The following DACH1 variants were observed in gnomAD, a reference collection of about 807,000 sequenced individuals.
DACH1 encodes dachshund family transcription factor 1.
DACH1 carries 12 observed loss-of-function variants against 54.2 expected under a neutral mutation model. The observed-to-expected ratio is 0.22, with a 90% CI of 0.14 to 0.36. The LOEUF (loss-of-function observed/expected upper bound fraction) is 0.36, where lower values mean the gene tolerates loss of function less well. DACH1 is among the 10% of genes least tolerant of loss of function. The pLI is 1.00. For synonymous variants in DACH1, 386 were observed against 366.2 expected (o/e 1.05, Z -0.62); for missense variants, 805 against 929.8 (o/e 0.87, Z 1.75).
Position 71,479,332 on chromosome 13 carries a change from A to G in DACH1, c.1723-16T>C. 4 of 1,598,774 alleles carry G rather than the reference A, an allele frequency of 2.5e-6. No individual in the cohort carries two copies. Among genetic ancestry groups the G allele is most frequent in the Non-Finnish European group, 3.4e-6 (4 of 1,176,014 alleles). On this transcript the variant is annotated splice_polypyrimidine_tract_variant and intron_variant, in intron 7 of 10. Coordinates refer to ENST00000613252, the MANE Select transcript of DACH1 (RefSeq NM_080759.6). ...TCAACAGCCCCTGTACAAAGAAGAT[A>G]TTCGGAATGGTAATATTTTAATACA...
At chr13:71,576,658 G>A (rs746349050) in intron 3 of DACH1, among the ~76,000 whole-genome samples, 4 of 152,138 alleles carry the variant, frequency 2.6e-5, no homozygotes, top group Admixed American at 1.3e-4. Context: ...AATGGTTTTC[G>A]TTTTCCTCTA....
chr13:71,578,525 G>A (rs962036348), intron 3 of DACH1, among the ~76,000 whole-genome samples: 3 of 152,086 alleles, frequency 2.0e-5, no homozygotes, highest in African/African-American at 7.2e-5. Flanking sequence ...TTTTGCATGA[G>A]TTGCGGAAAC....
At chr13:71,812,282 T>TATC (rs1887741631) in intron 1 of DACH1, among the ~76,000 whole-genome samples, 1 of 152,232 alleles carries the variant, frequency 6.6e-6, no homozygotes, top group South Asian at 2.1e-4. Flanking sequence ...TTACAGAATG[T>TATC]ATCAGCACAG....
At chr13:71,758,132 A>G (rs898321344) in intron 1 of DACH1, among the ~76,000 whole-genome samples, 4 of 152,104 alleles carry the variant, frequency 2.6e-5, no homozygotes, top group African/African-American at 7.2e-5. Flanking sequence ...CAGTCTCTCC[A>G]TGGCCATTGC....
In DACH1 at chr13:71,559,958, G is replaced by T; in HGVS notation, c.1300-3C>A. 6.5e-7 allele frequency: 1 copy of T among 1,537,198 alleles called. No homozygotes were observed. On this transcript the variant is annotated splice_region_variant and splice_polypyrimidine_tract_variant and intron_variant, in intron 4 of 10. Coordinates refer to ENST00000613252, the MANE Select transcript of DACH1 (RefSeq NM_080759.6). ...GAGGGGCTATCAGGAACACGCTCCT[G>T]CACCAGCAAGAGAGGGAAGGAGGGT...
At chr13:71,749,721 G>A (rs1400017940) in intron 1 of DACH1, among the ~76,000 whole-genome samples, 1 of 152,124 alleles carries the variant, frequency 6.6e-6, no homozygotes, top group Non-Finnish European at 1.5e-5. Context: ...AACAACACTT[G>A]GGAAACTGTT....
intron 2 of DACH1, among the ~76,000 whole-genome samples, chr13:71,650,604 C>T (rs1157369831): frequency 6.6e-6 from 1 of 152,068 alleles, no homozygotes; most frequent in East Asian, 1.9e-4. Context: ...ACAAGAAACA[C>T]TTTCTCTCTC....
At chr13:71,486,805 T>A (rs200796481) in intron 7 of DACH1, among the ~76,000 whole-genome samples, 15,459 of 47,824 alleles carry the variant, frequency 0.32, 880 homozygotes, top group East Asian at 0.46. Flanking sequence ...TTAATTTATT[T>A]ATTTATTTAT....
intron 1 of DACH1, among the ~76,000 whole-genome samples, chr13:71,808,376 T>A (rs1180884018): frequency 6.6e-6 from 1 of 152,182 alleles, no homozygotes; most frequent in African/African-American, 2.4e-5. Context: ...TCTCCCTTGA[T>A]CAAATTAAAC....
chr13:71,658,089 A>C (rs1239106602), intron 2 of DACH1, among the ~76,000 whole-genome samples: 1 of 152,230 alleles, frequency 6.6e-6, no homozygotes, highest in Non-Finnish European at 1.5e-5. Context: ...TCTTAAACAC[A>C]GTATATCTAT....
chr13:71,845,763 C>T (rs1308538455), intron 1 of DACH1, among the ~76,000 whole-genome samples: 4 of 152,144 alleles, frequency 2.6e-5, no homozygotes, highest in African/African-American at 9.7e-5. Context: ...ATTACTTTCT[C>T]CCCACTGAGG....
chr13:71,530,298 G>A (rs1462488481), intron 6 of DACH1, among the ~76,000 whole-genome samples: 4 of 152,130 alleles, frequency 2.6e-5, no homozygotes, highest in African/African-American at 9.7e-5. Flanking sequence ...TGCAGAAAGA[G>A]AAAGCATGTT....
chr13:71,645,742 A>C (rs1878219553), intron 2 of DACH1, among the ~76,000 whole-genome samples: 1 of 152,364 alleles, frequency 6.6e-6, no homozygotes, highest in East Asian at 1.9e-4. Context: ...TCATGCCTGC[A>C]ATGCAGTAAT....
rs1020284127 is a variant in DACH1 at position 71,779,580 on chromosome 13, C to G, written c.848+86342G>C. Among the ~76,000 whole-genome samples the G allele has an allele frequency of 5.9e-5, 9 of 151,930 alleles. No individual in the cohort carries two copies. The East Asian group carries it at 1.7e-3, about 30-fold the overall frequency. Reference sequence around the variant, plus strand: ...ATTTAATAAAATGAGTGACTTAATGCTTGCAGAGCGCTTTGCATACAACCT... The same window carrying G: ...ATTTAATAAAATGAGTGACTTAATGGTTGCAGAGCGCTTTGCATACAACCT... On this transcript the variant is annotated intron_variant, in intron 1 of 10. Coordinates refer to ENST00000613252, the MANE Select transcript of DACH1 (RefSeq NM_080759.6).
At chr13:71,768,040 A>G (rs1217567120) in intron 1 of DACH1, among the ~76,000 whole-genome samples, 1 of 151,984 alleles carries the variant, frequency 6.6e-6, no homozygotes, top group African/African-American at 2.4e-5. Flanking sequence ...TAGTATTAAG[A>G]GTACTATGGG....
Position 71,771,487 on chromosome 13 carries a change from C to G in DACH1, c.849-89577G>C, listed in dbSNP as rs368694317. On this transcript the variant is annotated intron_variant, in intron 1 of 10. Transcript: ENST00000613252. ...TATGTCAATTTAAGTATCCCTGCAT[C>G]CATTTTTGCAACTAATCAGTAACTT... 7.3e-5 allele frequency among the ~76,000 whole-genome samples: 11 copies of G among 151,508 alleles called. No homozygotes were observed. In the East Asian group the frequency reaches 2.1e-3, roughly 29 times the overall value.
In DACH1 at chr13:71,576,614, T is replaced by C. The variant is rs1317604144; in HGVS notation, c.1127-3602A>G. 1.6e-4 allele frequency among the ~76,000 whole-genome samples: 24 copies of C among 152,182 alleles called. 1 individual carries two copies. Among genetic ancestry groups the C allele is most frequent in the Admixed American group, 1.6e-3 (24 of 15,258 alleles). ...TCTCTACTCTAAGGGCACCAGATTA[T>C]TGAATAGTCAGAAATGATGGGTTAC... On this transcript the variant is annotated intron_variant, in intron 3 of 10. Transcript: ENST00000613252.
chr13:71,767,523 T>C (rs1885689913), intron 1 of DACH1, among the ~76,000 whole-genome samples: 1 of 152,100 alleles, frequency 6.6e-6, no homozygotes, highest in Admixed American at 6.6e-5. Context: ...CAGTCGCTTT[T>C]TATCCTCCTC....
At chr13:71,854,993 C>A (rs535958339) in intron 1 of DACH1, among the ~76,000 whole-genome samples, 117 of 152,044 alleles carry the variant, frequency 7.7e-4, no homozygotes, top group Non-Finnish European at 1.5e-3. Context: ...AAAGAATCAA[C>A]AATGTATGTT....
Sources: allele counts gnomAD v4.1 joint callset (sites outside exome capture counted in the v4.1 genomes callset), GRCh38; gene constraint gnomAD v4.1.1; transcripts MANE v1.5; gene names NCBI Gene and HGNC (gene_info 2026-07-23, HGNC 2026-07-21).